The following APAF1 variants were observed in gnomAD, a reference collection of about 807,000 sequenced individuals.
APAF1 encodes the protein apoptotic peptidase activating factor 1.
Under a neutral mutation model 152.4 loss-of-function variants are expected in APAF1, and 91 were observed. That is an observed-to-expected ratio of 0.60 (90% confidence interval 0.50 to 0.71). The LOEUF (loss-of-function observed/expected upper bound fraction) is 0.71. Among genes scored for constraint, APAF1 ranks in the 30% least tolerant of loss-of-function variants. The pLI, the probability that APAF1 is intolerant of heterozygous loss-of-function variation, is 0.00. For synonymous variants in APAF1, 484 were observed against 494.1 expected (o/e 0.98, Z 0.27); for missense variants, 1,283 against 1,472.0 (o/e 0.87, Z 2.10).
At chr12:98,673,687 C>T (rs911553616) in intron 12 of APAF1, among the ~76,000 whole-genome samples, 14 of 152,114 alleles carry the variant, frequency 9.2e-5, no homozygotes, top group African/African-American at 2.7e-4. Flanking sequence ...GTTCAAGAAG[C>T]GTTTGAGTTT....
chr12:98,655,333 T>C (rs1160107431), intron 4 of APAF1, among the ~76,000 whole-genome samples: 2 of 151,380 alleles, frequency 1.3e-5, no homozygotes, highest in Non-Finnish European at 2.9e-5. Context: ...CCGTTCTCAA[T>C]GAGCTGTTGG....
chr12:98,697,512 G>A (rs1159417147), intron 16 of APAF1, among the ~76,000 whole-genome samples: 1 of 152,030 alleles, frequency 6.6e-6, no homozygotes, highest in Admixed American at 6.6e-5. Flanking sequence ...CTTCAAACTC[G>A]GACACTTTTT....
intron 14 of APAF1, among the ~76,000 whole-genome samples, chr12:98,682,846 G>C (rs2097693881): frequency 6.6e-6 from 1 of 152,252 alleles, no homozygotes; most frequent in African/African-American, 2.4e-5. Context: ...TTCTCTGCCT[G>C]CTTTCATTCA....
chr12:98,648,275 A>C, intron 1 of APAF1, 44 bp from the exon 2 acceptor site: 1 of 1,496,078 alleles, frequency 6.7e-7, no homozygotes, highest in Non-Finnish European at 9.3e-7. Flanking sequence ...GTATCTTTTC[A>C]TATTTTTATT....
At chr12:98,656,077 C>G (rs544606958) in intron 4 of APAF1, among the ~76,000 whole-genome samples, 2 of 152,170 alleles carry the variant, frequency 1.3e-5, no homozygotes, top group South Asian at 4.1e-4. Flanking sequence ...GCCACCGCGC[C>G]CGGCCTTGCC....
At chr12:98,670,368 T>C (rs1273753491) in intron 10 of APAF1, among the ~76,000 whole-genome samples, 6 of 152,248 alleles carry the variant, frequency 3.9e-5, no homozygotes, top group African/African-American at 1.2e-4. Flanking sequence ...GTTTTGTGAA[T>C]TGTGGCTCCC....
At chr12:98,663,084 A>G (rs975656026) in intron 7 of APAF1, among the ~76,000 whole-genome samples, 7 of 152,334 alleles carry the variant, frequency 4.6e-5, no homozygotes, top group Non-Finnish European at 7.3e-5. Context: ...TAGAGTTAAA[A>G]ATAGAGTGAG....
chr12:98,720,048 A>C (rs2097740347), intron 22 of APAF1, among the ~76,000 whole-genome samples: 1 of 152,198 alleles, frequency 6.6e-6, no homozygotes. Context: ...TCAGTGTAAT[A>C]GTCACCTTTC....
chr12:98,722,137 C>T (rs1436003721), intron 22 of APAF1, among the ~76,000 whole-genome samples: 1 of 152,164 alleles, frequency 6.6e-6, no homozygotes, highest in East Asian at 1.9e-4. Flanking sequence ...TTCCCTGCTC[C>T]TATACTTTAA....
chr12:98,707,709 T>TATATATATAC (rs899955094), intron 19 of APAF1, among the ~76,000 whole-genome samples: 1 of 149,858 alleles, frequency 6.7e-6, no homozygotes, highest in African/African-American at 2.4e-5. Context: ...TATATATATA[T>TATATATATAC]ATACATATAA....
intron 4 of APAF1, among the ~76,000 whole-genome samples, chr12:98,650,441 G>C (rs747572732): frequency 6.6e-6 from 1 of 151,624 alleles, no homozygotes; most frequent in African/African-American, 2.4e-5. Context: ...AGCTGAGATC[G>C]CACCACTGCA....
chr12:98,694,769 C>G lies in APAF1; in HGVS notation c.2305-4639C>G, dbSNP rs539332062. On this transcript the variant is annotated intron_variant, in intron 16 of 26. Coordinates refer to ENST00000551964, the MANE Select transcript of APAF1 (RefSeq NM_181861.2). Reference sequence around the variant, plus strand: ...CATAGATATATCTTAGCTATCTGATCCTTTGCTATCTGCTCATATTTAAGA... The same window carrying G: ...CATAGATATATCTTAGCTATCTGATGCTTTGCTATCTGCTCATATTTAAGA... Among the ~76,000 whole-genome samples the G allele has an allele frequency of 1.1e-3, 173 of 151,960 alleles. 1 individual carries two copies. The Middle Eastern group carries it at 0.017, about 15-fold the overall frequency.
intron 16 of APAF1, among the ~76,000 whole-genome samples, chr12:98,697,024 G>T (rs1476978021): frequency 2.0e-4 from 31 of 152,170 alleles, no homozygotes; most frequent in Admixed American, 1.9e-3. Context: ...CTCTGTTGGG[G>T]AAGGGTTCAC....
chr12:98,694,703 T>A (rs57738133), intron 16 of APAF1, among the ~76,000 whole-genome samples: 2 of 152,214 alleles, frequency 1.3e-5, no homozygotes, highest in African/African-American at 4.8e-5. Context: ...GTAATAGATA[T>A]TTTTCTATTT....
chr12:98,703,467 G>A lies in APAF1; in HGVS notation c.2563G>A (p.Ala855Thr). The change falls in exon 18 of 27, where the codon GCA (alanine) becomes ACA (threonine). Residue 855 changes from alanine to threonine, a missense_variant. Ala to Thr is a moderately conservative substitution (Grantham distance 58). Coordinates refer to ENST00000551964, the MANE Select transcript of APAF1 (RefSeq NM_181861.2). The stretch of plus-strand genomic sequence containing the variant: ...TGACTTCTCCCCACAAAACCATTTG[G>A]CAGTGGTTGCTTTGTCCCAGTACTG... ...YCDFSPQNHL[A>T]VVALSQYCVE... is the part of the protein sequence containing the mutation. 6.2e-7 allele frequency: 1 copy of A among 1,614,150 alleles called. No homozygotes were observed. Among genetic ancestry groups the A allele is most frequent in the Non-Finnish European group, 8.5e-7 (1 of 1,180,016 alleles).
At chr12:98,652,479 G>A (rs1471541461) in intron 4 of APAF1, among the ~76,000 whole-genome samples, 1 of 151,968 alleles carries the variant, frequency 6.6e-6, no homozygotes, top group African/African-American at 2.4e-5. Flanking sequence ...CTTGTTGTTA[G>A]CCTTTTGGGT....
chr12:98,711,104 G>A (rs2097727494), intron 20 of APAF1, among the ~76,000 whole-genome samples: 3 of 152,174 alleles, frequency 2.0e-5, no homozygotes. Context: ...CTAATGCACA[G>A]TACTTCTGGG....
intron 26 of APAF1, among the ~76,000 whole-genome samples, chr12:98,730,351 T>C (rs2097758876): frequency 6.6e-6 from 1 of 152,220 alleles, no homozygotes; most frequent in Non-Finnish European, 1.5e-5. Flanking sequence ...CTATATTAGC[T>C]GCTGACAAAT....
rs371735204 is a variant in APAF1, at chr12:98,685,256, T to G, written c.2179-1492T>G. 6.0e-4 allele frequency among the ~76,000 whole-genome samples: 91 copies of G among 152,340 alleles called. 1 individual carries two copies. Among genetic ancestry groups the G allele is most frequent in the African/African-American group, 1.7e-3 (71 of 41,580 alleles). On this transcript the variant is annotated intron_variant, in intron 15 of 26. Transcript: ENST00000551964. Reference sequence around the variant, plus strand: ...TCCAAACCTACCCAAAGAGAGGAGATATAATATAAACCCCTGTGGTATCCA... The same window carrying G: ...TCCAAACCTACCCAAAGAGAGGAGAGATAATATAAACCCCTGTGGTATCCA...
Sources: gnomAD v4.1 joint callset for allele counts (sites outside exome capture counted in the v4.1 genomes callset) on GRCh38, gnomAD v4.1.1 for gene constraint, MANE v1.5 for transcripts, NCBI Gene and HGNC (gene_info 2026-07-23, HGNC 2026-07-21) for gene names.